The following PLA2R1 variants were observed in gnomAD, a reference collection of about 807,000 sequenced individuals.
PLA2R1 encodes the protein phospholipase A2 receptor 1.
PLA2R1 carries 158 observed loss-of-function variants against 195.9 expected under a neutral mutation model. The ratio of observed to expected loss-of-function variants is 0.81; its 90% CI spans 0.71 to 0.92. The LOEUF (loss-of-function observed/expected upper bound fraction) is 0.92. Ranked by LOEUF, PLA2R1 falls within the 40% of genes least tolerant of loss-of-function variation. The pLI is 0.00. For missense variants in PLA2R1, 1,626 were observed against 1,764.6 expected, an observed-to-expected ratio of 0.92 and a Z score of 1.41; for synonymous variants, 586 against 598.2, an observed-to-expected ratio of 0.98 and a Z score of 0.30.
At chr2:160,048,927 G>A (rs1046130834) in intron 1 of PLA2R1, among the ~76,000 whole-genome samples, 2 of 141,728 alleles carry the variant, frequency 1.4e-5, no homozygotes, top group Admixed American at 7.4e-5. Flanking sequence ...TGCAAGCTCC[G>A]CCTCCCGGGT....
intron 6 of PLA2R1, among the ~76,000 whole-genome samples, chr2:160,026,163 T>C (rs1261131694): frequency 6.6e-6 from 1 of 152,098 alleles, no homozygotes; most frequent in South Asian, 2.1e-4. Flanking sequence ...TTTTAAAAAA[T>C]AGTAAAAAAG....
In PLA2R1 at chr2:159,976,723, G is replaced by C. The variant is rs747174302; in HGVS notation, c.2402-3C>G. On this transcript the variant is annotated splice_polypyrimidine_tract_variant and splice_region_variant and intron_variant, in intron 15 of 29. Coordinates refer to ENST00000283243, the MANE Select transcript of PLA2R1 (RefSeq NM_007366.5). ...GAACGGAATCTTGGGTTTCACATCT[G>C]CAAAGTGAAAGCAAATCACTTTGAC... 6.8e-6 allele frequency: 11 copies of C among 1,608,840 alleles called. No individual in the cohort carries two copies. Among genetic ancestry groups the C allele is most frequent in the Non-Finnish European group, 7.7e-6 (9 of 1,175,504 alleles).
In PLA2R1 at chr2:160,025,345, C is replaced by T. The variant is rs958377916; in HGVS notation, c.1100-2486G>A. On this transcript the variant is annotated intron_variant, in intron 6 of 29. Transcript: ENST00000283243. The stretch of plus-strand genomic sequence containing the variant: ...CAGCCTGGGCAACAGTGCAAGACAC[C>T]GTCTCTAAAGCATAAATAAATAAGT... 1.1e-4 allele frequency among the ~76,000 whole-genome samples: 17 copies of T among 151,744 alleles called. No homozygotes were observed. The East Asian group carries it at 2.5e-3, about 22-fold the overall frequency.
downstream of PLA2R1, among the ~76,000 whole-genome samples, chr2:159,931,720 CAG>C (rs781029745): frequency 2.6e-5 from 4 of 152,024 alleles, no homozygotes; most frequent in Non-Finnish European, 5.9e-5. Context: ...GTATTTTTTT[CAG>C]AGACAGGGTT....
intron 16 of PLA2R1, 145 bp from the exon 17 acceptor site, chr2:159,976,370 G>A (rs1334463408): frequency 8.1e-6 from 5 of 617,304 alleles, no homozygotes; most frequent in Admixed American, 3.2e-5. Context: ...AGACACATAT[G>A]CACATAAATA....
At chr2:159,977,470 A>G (rs1447213888) in intron 14 of PLA2R1, 54 bp from the exon 15 acceptor site, 1 of 1,539,686 alleles carries the variant, frequency 6.5e-7, no homozygotes, top group African/African-American at 1.4e-5. Flanking sequence ...ACAAAGTTTC[A>G]AAAGATCAAA....
chr2:159,962,815 A>G (rs745595433), intron 20 of PLA2R1, among the ~76,000 whole-genome samples: 9 of 152,164 alleles, frequency 5.9e-5, no homozygotes, highest in Non-Finnish European at 1.0e-4. Flanking sequence ...GTTCTCACTC[A>G]TAAGTGGGAG....
At chr2:160,023,656 C>G (rs1267378383) in intron 6 of PLA2R1, among the ~76,000 whole-genome samples, 1 of 152,220 alleles carries the variant, frequency 6.6e-6, no homozygotes, top group East Asian at 1.9e-4. Context: ...ATTCTTTATT[C>G]CTTTACTTTC....
intron 14 of PLA2R1, among the ~76,000 whole-genome samples, chr2:159,977,886 C>G (rs555297216): frequency 2.4e-4 from 37 of 152,114 alleles, no homozygotes; most frequent in African/African-American, 8.9e-4. Flanking sequence ...GCCGAAATCC[C>G]ACCACTGCAC....
chr2:159,959,113 A>G (rs1270907062), intron 20 of PLA2R1, among the ~76,000 whole-genome samples: 2 of 152,212 alleles, frequency 1.3e-5, no homozygotes, highest in Non-Finnish European at 2.9e-5. Context: ...TTTTATAACA[A>G]CTATCCTTTT....
At chr2:160,036,926 C>G (rs776584228) in intron 3 of PLA2R1, among the ~76,000 whole-genome samples, 3 of 152,132 alleles carry the variant, frequency 2.0e-5, no homozygotes, top group Non-Finnish European at 4.4e-5. Flanking sequence ...TTCTTTTAGT[C>G]TCTTTGTTAT....
rs183076275 is a variant in PLA2R1 at position 160,038,865 on chromosome 2, G to A, written c.667+3160C>T. ...CTTGTTTGTCTTTTTTGTGGAGGGCGGGAGCGGGGGCAGGCGGGCGGCGAC... is the reference window on the plus strand; with the variant it reads ...CTTGTTTGTCTTTTTTGTGGAGGGCAGGAGCGGGGGCAGGCGGGCGGCGAC... On this transcript the variant is annotated intron_variant, in intron 3 of 29. Transcript: ENST00000283243. 1.8e-4 allele frequency among the ~76,000 whole-genome samples: 28 copies of A among 152,054 alleles called. No homozygotes were observed. The East Asian group carries it at 2.7e-3, about 15-fold the overall frequency.
Position 160,016,477 on chromosome 2 carries a change from G to GGC in PLA2R1, c.1551+136_1551+137insGC, listed in dbSNP as rs1692766173. On this transcript the variant is annotated intron_variant, in intron 9 of 29. Transcript: ENST00000283243. The stretch of plus-strand genomic sequence containing the variant: ...AAAAAGAGGAAAGGAAAGAAGGGGG[G>GGC]GGTGCGAGGAGAGAGAGAGAGATGA... The GGC allele has an allele frequency of 4.9e-5, 29 of 587,572 alleles. No individual in the cohort carries two copies. The South Asian group carries it at 5.5e-4, about 11-fold the overall frequency. 36.4% of individuals were successfully genotyped at this position (587,572 alleles called of 1,614,324 possible). A position where few individuals can be genotyped will look rare whatever the true frequency, so the allele number is the denominator to read the frequency against.
At chr2:159,963,769 G>A (rs1688602105) in intron 20 of PLA2R1, among the ~76,000 whole-genome samples, 1 of 152,120 alleles carries the variant, frequency 6.6e-6, no homozygotes, top group African/African-American at 2.4e-5. Context: ...CCTCACACAC[G>A]GCTAGCAGGA....
At chr2:160,052,986 G>A (rs1439346507) in intron 1 of PLA2R1, among the ~76,000 whole-genome samples, 5 of 152,096 alleles carry the variant, frequency 3.3e-5, no homozygotes, top group Non-Finnish European at 7.4e-5. Flanking sequence ...TCCCTGTATC[G>A]GTTTGCTACT....
In PLA2R1 at chr2:160,060,519, G is replaced by A. The variant is rs953748414; in HGVS notation, c.109+1776C>T. 3.3e-5 allele frequency among the ~76,000 whole-genome samples: 5 copies of A among 152,184 alleles called. No individual in the cohort carries two copies. In the East Asian group the frequency reaches 9.6e-4, roughly 29 times the overall value. ...GTGCGAGGAATGGTACATAACCTCC[G>A]TGCTCCTTGGAAAATCAGCAGCAGC... On this transcript the variant is annotated intron_variant, in intron 1 of 29. Transcript: ENST00000283243.
chr2:160,000,197 T>C (rs749206588), intron 11 of PLA2R1, among the ~76,000 whole-genome samples: 1 of 152,104 alleles, frequency 6.6e-6, no homozygotes, highest in Admixed American at 6.6e-5. Flanking sequence ...CTGCATAAAA[T>C]AGAATCCCAA....
chr2:159,948,642 CAAAAAAAA>C (rs56329076), intron 25 of PLA2R1, among the ~76,000 whole-genome samples: 1 of 95,840 alleles, frequency 1.0e-5, no homozygotes, highest in Admixed American at 1.2e-4. Context: ...CAAGTGCTAA[CAAAAAAAA>C]AAAAAAAAAA....
chr2:160,033,852 G>A (rs1432537581), intron 3 of PLA2R1, among the ~76,000 whole-genome samples: 1 of 152,184 alleles, frequency 6.6e-6, no homozygotes, highest in Non-Finnish European at 1.5e-5. Flanking sequence ...GGTGAACTAA[G>A]TAGCCACAAT....
Sources: allele counts gnomAD v4.1 joint callset (sites outside exome capture counted in the v4.1 genomes callset), GRCh38; gene constraint gnomAD v4.1.1; transcripts MANE v1.5; gene names NCBI Gene and HGNC (gene_info 2026-07-23, HGNC 2026-07-21).